The following NFXL1 variants were observed in gnomAD, a reference collection of about 807,000 sequenced individuals.
NFXL1 encodes nuclear transcription factor, X-box binding like 1, also known as NF-X1-type zinc finger protein NFXL1.
Under a neutral mutation model 123.3 loss-of-function variants are expected in NFXL1, and 66 were observed. The observed-to-expected ratio is 0.54, with a 90% CI of 0.44 to 0.66. NFXL1 has a LOEUF of 0.66. Among genes scored for constraint, NFXL1 ranks in the 30% least tolerant of loss-of-function variants. The pLI, the probability that NFXL1 is intolerant of heterozygous loss-of-function variation, is 0.00. For missense variants in NFXL1, 944 were observed against 1,125.6 expected (o/e 0.84, Z 2.31); for synonymous variants, 346 against 360.8 (o/e 0.96, Z 0.46).
intron 10 of NFXL1, 105 bp downstream of exon 10, chr4:47,896,418 C>T: frequency 1.2e-6 from 1 of 828,552 alleles, no homozygotes; most frequent in Non-Finnish European, 1.9e-6. Flanking sequence ...CATCATGACA[C>T]AGATGTATAT....
intron 15 of NFXL1, among the ~76,000 whole-genome samples, chr4:47,880,426 CAAA>C (rs752132328): frequency 1.1e-4 from 4 of 36,634 alleles, no homozygotes; most frequent in Non-Finnish European, 1.9e-4. Context: ...GATCCAGTCT[CAAA>C]AAAAAAAAAA....
intron 12 of NFXL1, among the ~76,000 whole-genome samples, chr4:47,890,212 C>T (rs1230126592): frequency 6.6e-6 from 1 of 152,004 alleles, no homozygotes; most frequent in African/African-American, 2.4e-5. Flanking sequence ...TAATCCTTTA[C>T]TAGATTTAAC....
intron 19 of NFXL1, among the ~76,000 whole-genome samples, chr4:47,860,255 TA>T (rs1278478679): frequency 2.0e-5 from 3 of 152,070 alleles, no homozygotes; most frequent in African/African-American, 4.8e-5. Flanking sequence ...TTTGAACATT[TA>T]AAAAAAATAA....
intron 18 of NFXL1, among the ~76,000 whole-genome samples, chr4:47,869,427 CTGT>C (rs1398900762): frequency 3.3e-5 from 5 of 152,094 alleles, no homozygotes; most frequent in African/African-American, 1.2e-4. Flanking sequence ...AAAGGAAGCA[CTGT>C]TAAGTTCCAT....
At chr4:47,891,766 A>T (rs1325056796) in intron 11 of NFXL1, among the ~76,000 whole-genome samples, 2 of 152,104 alleles carry the variant, frequency 1.3e-5, no homozygotes, top group African/African-American at 4.8e-5. Context: ...CAATTAAGTC[A>T]ATACAGTTTA....
chr4:47,864,021 AT>A (rs1330977407), intron 18 of NFXL1, among the ~76,000 whole-genome samples: 103 of 152,212 alleles, frequency 6.8e-4, no homozygotes, highest in African/African-American at 2.1e-3. Context: ...TTATCTAAAT[AT>A]TCATACTAAA....
At position 47,879,520 on chromosome 4, in the gene NFXL1, A is replaced by C. The variant is rs1355564965; in HGVS notation, c.1917-403T>G. Among the ~76,000 whole-genome samples the C allele has an allele frequency of 2.0e-5, 3 of 152,328 alleles. No homozygotes were observed. In the South Asian group the frequency reaches 6.2e-4, roughly 32 times the overall value. ...TTTATTTCCAATTTGATCCAGATTC[A>C]ACATGATTCCAATCAAAATCCCAGC... On this transcript the variant is annotated intron_variant, in intron 15 of 22. Transcript: ENST00000507489.
intron 15 of NFXL1, among the ~76,000 whole-genome samples, chr4:47,882,898 C>T (rs1736200811): frequency 6.6e-6 from 1 of 152,138 alleles, no homozygotes; most frequent in African/African-American, 2.4e-5. Context: ...AGTAAAAAGA[C>T]ATTTTTAATT....
intron 19 of NFXL1, 71 bp from the exon 20 acceptor site, chr4:47,855,234 A>G: frequency 1.2e-6 from 1 of 806,678 alleles, no homozygotes; most frequent in Non-Finnish European, 2.0e-6. Flanking sequence ...CCCATACCCC[A>G]ACAATTTTAA....
Position 47,847,818 on chromosome 4 carries a change from A to G in NFXL1, c.*345T>C, listed in dbSNP as rs1733896510. 2 of 164,208 alleles carry G rather than the reference A, an allele frequency of 1.2e-5. No homozygotes were observed. The highest frequency in any genetic ancestry group is 4.8e-5 in the African/African-American group (2 of 42,014). The allele number at this position is 164,208 out of a possible 1,614,324, so 10.2% of individuals were successfully genotyped here. A position where few individuals can be genotyped will look rare whatever the true frequency, so the allele number is the denominator to read the frequency against. On this transcript the variant is annotated 3_prime_UTR_variant, in exon 23 of 23. Transcript: ENST00000507489. ...ATTTCTCTTACTGCAGATATGGCTC[A>G]GTCTCATCTGAATTATTTTTTTAAA...
chr4:47,852,090 A>G, intron 20 of NFXL1, 148 bp from the exon 21 acceptor site: 1 of 507,278 alleles, frequency 2.0e-6, no homozygotes, highest in Non-Finnish European at 3.5e-6. Context: ...CAAGCATTAA[A>G]TATCTGCTTC....
chr4:47,857,268 A>G (rs1490594934), intron 19 of NFXL1, among the ~76,000 whole-genome samples: 1 of 152,168 alleles, frequency 6.6e-6, no homozygotes, highest in African/African-American at 2.4e-5. Context: ...ATTTGGAAAT[A>G]TACCTTAATC....
rs760340622 is a variant in NFXL1 at position 47,914,151 on chromosome 4, C to T, written c.53G>A (p.Arg18Gln). Residue 18 changes from arginine to glutamine, a missense_variant, in exon 2 of 23, where the codon CGG becomes CAG. Around this residue, in one of 4 missense-constraint regions of NFXL1, gnomAD observed 303 missense variants for 292.1 expected, o/e 1.04. Transcript: ENST00000507489. ...VAGGRGRSRGRATAAPSGNGV... is the reference protein window; with the variant it reads ...VAGGRGRSRGQATAAPSGNGV... ...ATTTCCTGAGGGGGCGGCAGTGGCC[C>T]GTCCCCGGGATCGGCCTCGGCCACC... The T allele has an allele frequency of 6.5e-7, 1 of 1,549,598 alleles. No individual in the cohort carries two copies. The highest frequency in any genetic ancestry group is 8.7e-7 in the Non-Finnish European group (1 of 1,146,074).
chr4:47,853,163 T>C (rs567425365), intron 20 of NFXL1, among the ~76,000 whole-genome samples: 111 of 152,196 alleles, frequency 7.3e-4, no homozygotes, highest in African/African-American at 2.6e-3. Flanking sequence ...CAGAGGATAC[T>C]TACAGAGTGC....
Position 47,896,376 on chromosome 4 carries a change from T to C in NFXL1, c.1329+147A>G, listed in dbSNP as rs540279771. The C allele has an allele frequency of 5.3e-6, 3 of 568,942 alleles. No individual in the cohort carries two copies. The South Asian group carries it at 8.8e-5, about 17-fold the overall frequency. The allele number at this position is 568,942 out of a possible 1,614,324, so 35.2% of individuals were successfully genotyped here. On this transcript the variant is annotated intron_variant, in intron 10 of 22. Coordinates refer to ENST00000507489, the MANE Select transcript of NFXL1 (RefSeq NM_001278624.2). ...TGGTATGCCTGTATTCTCCTGCTTC[T>C]TATCCTAATATTAGGTCACTAAATT...
At chr4:47,901,004 G>A (rs1737333657) in intron 5 of NFXL1, among the ~76,000 whole-genome samples, 1 of 152,138 alleles carries the variant, frequency 6.6e-6, no homozygotes, top group Non-Finnish European at 1.5e-5. Flanking sequence ...GCGTGGGTAT[G>A]GATGACTAAT....
chr4:47,905,208 CATT>C (rs1737509956), intron 4 of NFXL1, 26 bp downstream of exon 4: 1 of 921,440 alleles, frequency 1.1e-6, no homozygotes, highest in African/African-American at 1.6e-5. Flanking sequence ...TGGGGAGATA[CATT>C]AATATAAATA....
chr4:47,899,029 C>T lies in NFXL1; in HGVS notation c.918G>A (p.Trp306Ter). The T allele has an allele frequency of 6.2e-7, 1 of 1,613,594 alleles. No homozygotes were observed. Among genetic ancestry groups the T allele is most frequent in the Non-Finnish European group, 8.5e-7 (1 of 1,179,878 alleles). ...TCTGTCCACATGGCAGCTGACAAGA[C>T]CATTCCTTGGCACTGCACCTACGAG... is the stretch of plus-strand genomic sequence containing the variant. ...PIPRRCSAKE[W>*]SCQLPCGQKL... Residue 306 changes from tryptophan to a stop codon, truncating the protein, a stop_gained, in exon 7 of 23, where the codon TGG becomes TGA. Transcript: ENST00000507489. LOFTEE classifies it high-confidence loss of function.
At chr4:47,875,991 C>T (rs962358811) in intron 17 of NFXL1, among the ~76,000 whole-genome samples, 11 of 151,970 alleles carry the variant, frequency 7.2e-5, no homozygotes, top group African/African-American at 2.4e-4. Context: ...TCACGTCATA[C>T]TTGAGGTAAA....
Sources: gnomAD v4.1 joint callset for allele counts (sites outside exome capture counted in the v4.1 genomes callset) on GRCh38, gnomAD v4.1.1 for gene constraint, gnomAD v4.1.1 regional missense constraint, MANE v1.5 for transcripts, NCBI Gene and HGNC (gene_info 2026-07-23, HGNC 2026-07-21) for gene names.